The following ZFP3 variants were observed in gnomAD, a reference collection of about 807,000 sequenced individuals.
The protein encoded by ZFP3 is zinc finger protein 3 homolog.
ZFP3 carries 18 observed loss-of-function variants against 36.7 expected under a neutral mutation model. The observed-to-expected ratio is 0.49, with a 90% confidence interval of 0.34 to 0.73. The LOEUF (loss-of-function observed/expected upper bound fraction) is 0.73, where lower values mean the gene tolerates loss of function less well. Ranked by LOEUF, ZFP3 falls within the 30% of genes least tolerant of loss-of-function variation. The pLI is 0.01. For missense variants in ZFP3, 495 were observed against 599.0 expected, an observed-to-expected ratio of 0.83 and a Z score of 1.81; for synonymous variants, 218 against 199.0, an observed-to-expected ratio of 1.10 and a Z score of -0.81.
chr17:5,084,179 A>G (rs1400632480), intron 1 of ZFP3, among the ~76,000 whole-genome samples: 1 of 148,570 alleles, frequency 6.7e-6, no homozygotes, highest in Non-Finnish European at 1.5e-5. Context: ...GTAGATTTTC[A>G]TCTAGGTAAT....
At position 5,092,989 on chromosome 17, in the gene ZFP3, T is replaced by C. The variant is rs1156790468; in HGVS notation, c.1485T>C (p.His495=). 1 of 1,605,312 alleles carries C rather than the reference T, an allele frequency of 6.2e-7. No individual in the cohort carries two copies. Among genetic ancestry groups the C allele is most frequent in the Admixed American group, 1.7e-5 (1 of 58,420 alleles). The part of the protein sequence containing the change: ...TFSRSSHLLR[H]QSVHCME ...GTCGGAGCTCTCACCTCCTCCGACA[T>C]CAAAGTGTTCACTGTATGGAGTAAT... The change falls in exon 2 of 2, where the codon CAT becomes CAC. Residue 495 remains histidine, a synonymous_variant. Coordinates refer to ENST00000318833, the MANE Select transcript of ZFP3 (RefSeq NM_153018.3). The surrounding 1 kb of genome is among the most constrained non-coding windows in gnomAD (Gnocchi z 5.0).
In ZFP3 at chr17:5,082,445, G is replaced by A. The variant is rs183822765; in HGVS notation, c.-9+3870G>A. 3.4e-3 allele frequency among the ~76,000 whole-genome samples: 519 copies of A among 152,288 alleles called. 3 individuals carry two copies. Among genetic ancestry groups the A allele is most frequent in the South Asian group, 7.0e-3 (34 of 4,830 alleles). On this transcript the variant is annotated intron_variant, in intron 1 of 1. Coordinates refer to ENST00000318833, the MANE Select transcript of ZFP3 (RefSeq NM_153018.3). ...CCTCTGCAGTGGAAAATCCTCTAGCGTGCCATACAGAGACAATTTGTTGAA... is the reference window on the plus strand; with the variant it reads ...CCTCTGCAGTGGAAAATCCTCTAGCATGCCATACAGAGACAATTTGTTGAA...
Position 5,092,130 on chromosome 17 carries a change from G to C in ZFP3, c.626G>C (p.Ser209Thr). 1.2e-6 allele frequency: 2 copies of C among 1,614,142 alleles called. No individual in the cohort carries two copies. Among genetic ancestry groups the C allele is most frequent in the Non-Finnish European group, 1.7e-6 (2 of 1,180,014 alleles). Residue 209 changes from serine (S) to threonine (T), a missense_variant, in exon 2 of 2, where the codon AGT becomes ACT. Transcript: ENST00000318833. The surrounding 1 kb of genome is among the most constrained non-coding windows in gnomAD (Gnocchi z 5.0). ...GAATGTGGAAAGGCCTTCATTCAGA[G>C]TTCACACCTTATTCACCATCATAGA... ...CNECGKAFIQ[S>T]SHLIHHHRIH...
At chr17:5,091,070 C>T (rs1032589179) in intron 1 of ZFP3, among the ~76,000 whole-genome samples, 5 of 152,062 alleles carry the variant, frequency 3.3e-5, no homozygotes, top group Non-Finnish European at 7.4e-5. Flanking sequence ...CCCAACTCAC[C>T]GTTAATATTA....
At chr17:5,084,455 T>G in intron 1 of ZFP3, among the ~76,000 whole-genome samples, 1 of 121,804 alleles carries the variant, frequency 8.2e-6, no homozygotes, top group African/African-American at 3.2e-5. Flanking sequence ...TTTTGTATTT[T>G]TAGTAGAGAC....
chr17:5,079,872 T>G (rs1419391189), intron 1 of ZFP3, among the ~76,000 whole-genome samples: 6 of 151,904 alleles, frequency 3.9e-5, no homozygotes, highest in Non-Finnish European at 8.8e-5. Context: ...AAACCCTGTC[T>G]CTACTAGAAA....
At chr17:5,091,200 C>G (rs1048933888) in intron 1 of ZFP3, among the ~76,000 whole-genome samples, 1 of 152,140 alleles carries the variant, frequency 6.6e-6, no homozygotes, top group South Asian at 2.1e-4. Context: ...AAATCTGGAT[C>G]TTCTCTTTGG....
At position 5,096,105 on chromosome 17, in the gene ZFP3, C is replaced by T. The variant is rs1350539388; in HGVS notation, c.*3092C>T. On this transcript the variant is annotated 3_prime_UTR_variant, in exon 2 of 2. Coordinates refer to ENST00000318833, the MANE Select transcript of ZFP3 (RefSeq NM_153018.3). ...TTTTCCTTCTGTTTGCCTCCCTCTT[C>T]GACTTACTTGGGAGTCAGCATCTGA... 2 of 166,998 alleles carry T rather than the reference C, an allele frequency of 1.2e-5. No individual in the cohort carries two copies. The highest frequency in any genetic ancestry group is 2.4e-5 in the African/African-American group (1 of 41,408). The allele number at this position is 166,998 out of a possible 1,614,324, so 10.3% of individuals were successfully genotyped here. A position where few individuals can be genotyped will look rare whatever the true frequency, so the allele number is the denominator to read the frequency against.
rs1278219317 is a variant in ZFP3, at chr17:5,078,728, CCCAGGCCTTCATTTCCA to C, written c.-9+156_-9+172del. Among the ~76,000 whole-genome samples, 1 of 152,234 alleles carries C rather than the reference CCCAGGCCTTCATTTCCA, an allele frequency of 6.6e-6. No individual in the cohort carries two copies. Among genetic ancestry groups the C allele is most frequent in the Non-Finnish European group, 1.5e-5 (1 of 68,038 alleles). ...TATGCCTCCCTCCATTCCCCCCGCCCCCAGGCCTTCATTTCCACCTGCACACAGAGAGGGTGGGGCCT... is the reference window on the plus strand; with the variant it reads ...TATGCCTCCCTCCATTCCCCCCGCCCCCTGCACACAGAGAGGGTGGGGCCT... On this transcript the variant is annotated intron_variant, in intron 1 of 1. Coordinates refer to ENST00000318833, the MANE Select transcript of ZFP3 (RefSeq NM_153018.3). The surrounding 1 kb of genome is among the most constrained non-coding windows in gnomAD (Gnocchi z 4.5).
chr17:5,092,036 T>C lies in ZFP3; in HGVS notation c.532T>C (p.Phe178Leu). Residue 178 changes from phenylalanine to leucine, a missense_variant, in exon 2 of 2, where the codon TTT becomes CTT. Phe to Leu is a conservative substitution (Grantham distance 22). Around this residue, in one of 3 missense-constraint regions of ZFP3, gnomAD observed 229 missense variants for 233.8 expected, o/e 0.98. Coordinates refer to ENST00000318833, the MANE Select transcript of ZFP3 (RefSeq NM_153018.3). The surrounding 1 kb of genome is among the most constrained non-coding windows in gnomAD (Gnocchi z 5.0). ...TGAATGTAAAGAATGTGGAAAGACA[T>C]TTGGAACTAATTCAAGCCTTCGACG... Reference protein sequence around the residue: ...PFECKECGKTFGTNSSLRRHL... With the variant: ...PFECKECGKTLGTNSSLRRHL... The C allele has an allele frequency of 6.2e-7, 1 of 1,614,168 alleles. No homozygotes were observed. The highest frequency in any genetic ancestry group is 8.5e-7 in the Non-Finnish European group (1 of 1,180,014).
intron 1 of ZFP3, among the ~76,000 whole-genome samples, chr17:5,079,814 C>T (rs993064361): frequency 2.6e-5 from 4 of 151,830 alleles, no homozygotes; most frequent in African/African-American, 4.8e-5. Context: ...CAAAGGTGGG[C>T]GGATCACCTG....
At chr17:5,088,755 C>T (rs947151441) in intron 1 of ZFP3, among the ~76,000 whole-genome samples, 17 of 152,206 alleles carry the variant, frequency 1.1e-4, no homozygotes, top group African/African-American at 4.1e-4. Context: ...GCCAGGCCCA[C>T]TGCTTTCTAC....
rs572291517 is a variant in ZFP3 at position 5,084,526 on chromosome 17, C to T, written c.-9+5951C>T. On this transcript the variant is annotated intron_variant, in intron 1 of 1. Transcript: ENST00000318833. ...TCCTGACCTCGTGATCCGCCCGCCT[C>T]GGCCTCCCAAAGTGCTGGGATTACA... is the stretch of plus-strand genomic sequence containing the variant. Among the ~76,000 whole-genome samples, 103 of 150,972 alleles carry T rather than the reference C, an allele frequency of 6.8e-4. No individual in the cohort carries two copies. The East Asian group carries it at 0.017, about 26-fold the overall frequency.
chr17:5,091,150 C>T (rs2072147639), intron 1 of ZFP3, among the ~76,000 whole-genome samples: 1 of 152,142 alleles, frequency 6.6e-6, no homozygotes, highest in African/African-American at 2.4e-5. Context: ...TTTTCTCACT[C>T]CTGTCAGCAT....
chr17:5,095,660 G>A lies in ZFP3; in HGVS notation c.*2647G>A, dbSNP rs1567751325. On this transcript the variant is annotated 3_prime_UTR_variant, in exon 2 of 2. Coordinates refer to ENST00000318833, the MANE Select transcript of ZFP3 (RefSeq NM_153018.3). Reference sequence around the variant, plus strand: ...CCTATTAGACATTTTGTTCTCAGAAGTACCTTACTGGCCAAACCAATGAAG... The same window carrying A: ...CCTATTAGACATTTTGTTCTCAGAAATACCTTACTGGCCAAACCAATGAAG... 1 of 166,578 alleles carries A rather than the reference G, an allele frequency of 6.0e-6. No homozygotes were observed. The highest frequency in any genetic ancestry group is 1.5e-5 in the Non-Finnish European group (1 of 68,056). The allele number at this position is 166,578 out of a possible 1,614,324, so 10.3% of individuals were successfully genotyped here.
In ZFP3 at chr17:5,096,061, TATCTC is replaced by T. The variant is rs1472571188; in HGVS notation, c.*3050_*3054del. ...CTGTCCTCTTCATGTCTTACCCAGATATCTCAGGAAGATTTCTCTTTTCCTTCTGT... is the reference window on the plus strand; with the variant it reads ...CTGTCCTCTTCATGTCTTACCCAGATAGGAAGATTTCTCTTTTCCTTCTGT... On this transcript the variant is annotated 3_prime_UTR_variant, in exon 2 of 2. Transcript: ENST00000318833. The T allele has an allele frequency of 1.2e-5, 2 of 167,110 alleles. No homozygotes were observed. Among genetic ancestry groups the T allele is most frequent in the Admixed American group, 6.5e-5 (1 of 15,280 alleles). The allele number at this position is 167,110 out of a possible 1,614,324, so 10.4% of individuals were successfully genotyped here.
In ZFP3 at chr17:5,096,085, CTTCT is replaced by C. The variant is rs922734939; in HGVS notation, c.*3073_*3076del. On this transcript the variant is annotated 3_prime_UTR_variant, in exon 2 of 2. Coordinates refer to ENST00000318833, the MANE Select transcript of ZFP3 (RefSeq NM_153018.3). ...ATATCTCAGGAAGATTTCTCTTTTC[CTTCT>C]GTTTGCCTCCCTCTTCGACTTACTT... 1.6e-4 allele frequency: 26 copies of C among 167,016 alleles called. No homozygotes were observed. The highest frequency in any genetic ancestry group is 6.3e-4 in the African/African-American group (26 of 41,402). 10.3% of individuals were successfully genotyped at this position (167,016 alleles called of 1,614,324 possible).
chr17:5,085,226 A>G (rs903550485), intron 1 of ZFP3, among the ~76,000 whole-genome samples: 1 of 151,764 alleles, frequency 6.6e-6, no homozygotes, highest in African/African-American at 2.4e-5. Flanking sequence ...TGTTTTTTTT[A>G]GTAGAGACAG....
rs73976304 is a variant in ZFP3, at chr17:5,092,647, T to G, written c.1143T>G (p.Leu381=). The change falls in exon 2 of 2, where the codon CTT becomes CTG. Residue 381 remains leucine, a synonymous_variant. Transcript: ENST00000318833. This position sits in a 1 kb window ranked among gnomAD's most constrained non-coding sequence, Gnocchi z 5.0. ...GKAFRGNSEL[L]RHERIHTGEK... ...CCTTCAGGGGGAACTCAGAACTTCT[T>G]AGACATGAGAGAATTCACACTGGAG... The G allele has an allele frequency of 1.0e-4, 162 of 1,614,140 alleles. No homozygotes were observed. The African/African-American group carries it at 1.9e-3, about 19-fold the overall frequency.
Sources: gnomAD v4.1 joint callset for allele counts (sites outside exome capture counted in the v4.1 genomes callset) on GRCh38, gnomAD v4.1.1 for gene constraint, gnomAD v4.1.1 regional missense constraint, Gnocchi (gnomAD v3.1) non-coding constraint, MANE v1.5 for transcripts, NCBI Gene and HGNC (gene_info 2026-07-23, HGNC 2026-07-21) for gene names.